Variants in DOK5 observed in about 807,000 individuals in gnomAD.
DOK5 encodes the protein downstream of tyrosine kinase 5.
DOK5 carries 27 observed loss-of-function variants against 43.3 expected under a neutral mutation model. The observed-to-expected ratio is 0.62, with a 90% confidence interval of 0.46 to 0.86. The LOEUF (loss-of-function observed/expected upper bound fraction) is 0.86. DOK5 is among the 40% of genes least tolerant of loss of function. The pLI is 0.00. For synonymous variants in DOK5, 146 were observed against 140.1 expected (o/e 1.04, Z -0.30); for missense variants, 373 against 392.9 (o/e 0.95, Z 0.43).
rs568272616 is a variant in DOK5 at position 54,555,454 on chromosome 20, G to A, written c.174+414G>A. ...AAAACAGGTAACAGTGGACGAAGAGGAAGTTCTACCGATTTATTGTTTTCT... is the reference window on the plus strand; with the variant it reads ...AAAACAGGTAACAGTGGACGAAGAGAAAGTTCTACCGATTTATTGTTTTCT... On this transcript the variant is annotated intron_variant, in intron 2 of 7. Transcript: ENST00000262593. The A allele has an allele frequency of 1.0e-4, 16 of 155,956 alleles. No homozygotes were observed. In the South Asian group the frequency reaches 2.6e-3, roughly 25 times the overall value. The allele number at this position is 155,956 out of a possible 1,614,324, so 9.7% of individuals were successfully genotyped here. A position where few individuals can be genotyped will look rare whatever the true frequency, so the allele number is the denominator to read the frequency against.
intron 1 of DOK5, among the ~76,000 whole-genome samples, chr20:54,510,474 A>C (rs973212821): frequency 3.9e-5 from 6 of 152,192 alleles, no homozygotes; most frequent in African/African-American, 7.2e-5. Context: ...TTTTATTGCC[A>C]ATCTCTTTAA....
At chr20:54,616,696 C>G (rs993161971) in intron 6 of DOK5, among the ~76,000 whole-genome samples, 18 of 151,700 alleles carry the variant, frequency 1.2e-4, no homozygotes, top group African/African-American at 3.6e-4. Flanking sequence ...TCCAGTTTTT[C>G]ACAAGCCTGT....
Position 54,541,569 on chromosome 20 carries a change from G to A in DOK5, c.67-13364G>A, listed in dbSNP as rs551197940. Among the ~76,000 whole-genome samples, 3 of 152,138 alleles carry A rather than the reference G, an allele frequency of 2.0e-5. No individual in the cohort carries two copies. The East Asian group carries it at 5.8e-4, about 30-fold the overall frequency. On this transcript the variant is annotated intron_variant, in intron 1 of 7. Coordinates refer to ENST00000262593, the MANE Select transcript of DOK5 (RefSeq NM_018431.5). ...TCCTGCCTCAGCCTCCCGAGTAGCT[G>A]GGATTACAGGCTTGCACCACCATGC...
chr20:54,616,992 T>G (rs6068916), intron 6 of DOK5, among the ~76,000 whole-genome samples: 70,677 of 151,732 alleles, frequency 0.47, 21,471 homozygotes, highest in African/African-American at 0.85. Flanking sequence ...GGGTTTCACC[T>G]TGTTAGCCAG....
At chr20:54,498,275 C>T (rs529006896) in intron 1 of DOK5, among the ~76,000 whole-genome samples, 1 of 152,244 alleles carries the variant, frequency 6.6e-6, no homozygotes, top group South Asian at 2.1e-4. Context: ...AATATATTTT[C>T]CTTTAGTGAC....
intron 1 of DOK5, among the ~76,000 whole-genome samples, chr20:54,553,852 G>A (rs1443312406): frequency 2.0e-4 from 28 of 138,324 alleles, no homozygotes; most frequent in African/African-American, 5.9e-4. Context: ...AGCGGAGATC[G>A]CACCACCTCA....
chr20:54,507,523 C>T (rs911313574), intron 1 of DOK5, among the ~76,000 whole-genome samples: 9 of 152,168 alleles, frequency 5.9e-5, no homozygotes, highest in African/African-American at 2.2e-4. Context: ...TATTTTACGC[C>T]CTGTGGCACA....
At chr20:54,565,422 A>G (rs1417905642) in intron 2 of DOK5, among the ~76,000 whole-genome samples, 1 of 152,210 alleles carries the variant, frequency 6.6e-6, no homozygotes, top group African/African-American at 2.4e-5. Context: ...AACAGAAACT[A>G]TGGACAAGAA....
At chr20:54,561,859 G>A (rs1020919460) in intron 2 of DOK5, among the ~76,000 whole-genome samples, 3 of 152,150 alleles carry the variant, frequency 2.0e-5, no homozygotes, top group African/African-American at 7.2e-5. Flanking sequence ...GTTTCTCCTT[G>A]TGGGTCAGTC....
rs999961984 is a variant in DOK5, at chr20:54,571,374, G to A, written c.174+16334G>A. On this transcript the variant is annotated intron_variant, in intron 2 of 7. Transcript: ENST00000262593. ...TGTGTGGCCAAGCCAGCTGGACAAG[G>A]CTCAAATCCAGGAGGTGCCATTCTG... Among the ~76,000 whole-genome samples, 3 of 152,276 alleles carry A rather than the reference G, an allele frequency of 2.0e-5. 1 individual carries two copies. Among genetic ancestry groups the A allele is most frequent in the Admixed American group, 2.0e-4 (3 of 15,302 alleles).
At chr20:54,544,428 G>A (rs1266859688) in intron 1 of DOK5, among the ~76,000 whole-genome samples, 2 of 152,160 alleles carry the variant, frequency 1.3e-5, no homozygotes, top group Non-Finnish European at 2.9e-5. Flanking sequence ...GTGAAATCCT[G>A]TCATGACACA....
intron 6 of DOK5, among the ~76,000 whole-genome samples, chr20:54,632,273 A>G (rs561435000): frequency 6.6e-6 from 1 of 152,294 alleles, no homozygotes; most frequent in South Asian, 2.1e-4. Flanking sequence ...TAAGCATATT[A>G]TTTGGTGGTT....
chr20:54,485,327 T>C, intron 1 of DOK5, among the ~76,000 whole-genome samples: 1 of 142,412 alleles, frequency 7.0e-6, no homozygotes, highest in Non-Finnish European at 1.5e-5. Context: ...CACTCCAGCC[T>C]GGGTGACAAG....
intron 2 of DOK5, among the ~76,000 whole-genome samples, chr20:54,569,112 C>T (rs990264196): frequency 4.0e-5 from 6 of 151,866 alleles, no homozygotes; most frequent in Admixed American, 1.3e-4. Flanking sequence ...CATATTCTCA[C>T]ACACATATAA....
chr20:54,545,010 A>C (rs1671785446), intron 1 of DOK5, among the ~76,000 whole-genome samples: 1 of 152,186 alleles, frequency 6.6e-6, no homozygotes, highest in South Asian at 2.1e-4. Context: ...CATAAGTTTT[A>C]CAAAGGCCAT....
intron 1 of DOK5, among the ~76,000 whole-genome samples, chr20:54,540,915 G>A (rs1169529089): frequency 6.6e-6 from 1 of 152,110 alleles, no homozygotes; most frequent in East Asian, 1.9e-4. Context: ...ATAAAATCTT[G>A]TATATATAGT....
chr20:54,526,230 C>T (rs1983570636), intron 1 of DOK5, among the ~76,000 whole-genome samples: 1 of 151,434 alleles, frequency 6.6e-6, no homozygotes, highest in Non-Finnish European at 1.5e-5. Flanking sequence ...TTCTTCCTTC[C>T]TCTATTCATA....
intron 1 of DOK5, among the ~76,000 whole-genome samples, chr20:54,499,954 T>A (rs994687888): frequency 4.6e-5 from 7 of 152,312 alleles, no homozygotes; most frequent in Non-Finnish European, 1.5e-5. Flanking sequence ...TGATGCATAG[T>A]CCTGTAGCCA....
At position 54,650,612 on chromosome 20, in the gene DOK5, T is replaced by C. The variant is rs982442936; in HGVS notation, c.*133T>C. The stretch of plus-strand genomic sequence containing the variant: ...AAAGTCCTGGCTAATTGTGTGGTCA[T>C]TGGAAAACTCTGCAATACAATAATT... On this transcript the variant is annotated 3_prime_UTR_variant, in exon 8 of 8. Coordinates refer to ENST00000262593, the MANE Select transcript of DOK5 (RefSeq NM_018431.5). The C allele has an allele frequency of 5.5e-6, 4 of 732,988 alleles. No individual in the cohort carries two copies. The highest frequency in any genetic ancestry group is 2.8e-5 in the East Asian group (1 of 36,264). The allele number at this position is 732,988 out of a possible 1,614,324, so 45.4% of individuals were successfully genotyped here.
Sources: allele counts gnomAD v4.1 joint callset (sites outside exome capture counted in the v4.1 genomes callset), GRCh38; gene constraint gnomAD v4.1.1; transcripts MANE v1.5; gene names NCBI Gene and HGNC (gene_info 2026-07-23, HGNC 2026-07-21).